The following CABIN1 variants were observed in gnomAD, a reference collection of about 807,000 sequenced individuals.
The protein encoded by CABIN1 is calcineurin-binding protein cabin-1.
CABIN1 carries 133 observed loss-of-function variants against 227.7 expected under a neutral mutation model. The observed-to-expected ratio is 0.58, with a 90% CI of 0.51 to 0.67. The LOEUF (loss-of-function observed/expected upper bound fraction) is 0.67, where lower values mean the gene tolerates loss of function less well. CABIN1 is among the 30% of genes least tolerant of loss of function. The pLI, the probability that CABIN1 is intolerant of heterozygous loss-of-function variation, is 0.00. For synonymous variants in CABIN1, 1,086 were observed against 1,155.1 expected (o/e 0.94, Z 1.21); for missense variants, 2,408 against 2,852.5 (o/e 0.84, Z 3.55).
chr22:24,105,575 C>T (rs1381318720), intron 26 of CABIN1, among the ~76,000 whole-genome samples: 1 of 152,150 alleles, frequency 6.6e-6, no homozygotes, highest in Non-Finnish European at 1.5e-5. Flanking sequence ...TCCTGAGTCT[C>T]AAGGCTAGAT....
intron 29 of CABIN1, among the ~76,000 whole-genome samples, chr22:24,144,575 G>A (rs2044989643): frequency 6.6e-6 from 1 of 152,260 alleles, no homozygotes; most frequent in Non-Finnish European, 1.5e-5. Context: ...GTGGTAGATG[G>A]GAAGATCATG....
At chr22:24,096,218 C>A in intron 25 of CABIN1, 136 bp downstream of exon 25, 1 of 991,208 alleles carries the variant, frequency 1.0e-6, no homozygotes. Context: ...CCCTAGGACC[C>A]ATCTGGAAAC....
rs954708790 is a variant in CABIN1, at chr22:24,022,533, A to T, written c.-75+11166A>T. Among the ~76,000 whole-genome samples, 4 of 152,132 alleles carry T rather than the reference A, an allele frequency of 2.6e-5. No individual in the cohort carries two copies. In the East Asian group the frequency reaches 7.7e-4, roughly 29 times the overall value. On this transcript the variant is annotated intron_variant, in intron 1 of 36. Coordinates refer to ENST00000263119, the MANE Select transcript of CABIN1 (RefSeq NM_012295.4). ...AATGAAGGATATTTGAGTTGTTTCC[A>T]GTTTTTGGTGATTTGAGTGGAGCTG...
At chr22:24,049,287 C>T in intron 7 of CABIN1, 67 bp downstream of exon 7, 8 of 1,578,342 alleles carry the variant, frequency 5.1e-6, no homozygotes, top group Non-Finnish European at 6.9e-6. Flanking sequence ...GTCAGGAGCA[C>T]ACCACATTCT....
At position 24,067,118 on chromosome 22, in the gene CABIN1, G is replaced by T. The variant is rs2039738658; in HGVS notation, c.2169G>T (p.Arg723=). Residue 723 remains arginine, a synonymous_variant, in exon 16 of 37, where the codon CGG becomes CGT. Transcript: ENST00000263119. ...CTTTGTGCACCAGTGGGTTTGACCG[G>T]GCCAAACACCTGGAGTTTATGACTT... ...RPTLCTSGFD[R]AKHLEFMTSI... is the part of the protein sequence containing the mutation. The T allele has an allele frequency of 1.9e-6, 3 of 1,614,200 alleles. No individual in the cohort carries two copies. The highest frequency in any genetic ancestry group is 2.5e-6 in the Non-Finnish European group (3 of 1,180,048).
intron 4 of CABIN1, among the ~76,000 whole-genome samples, chr22:24,039,841 T>C (rs757677125): frequency 5.9e-5 from 9 of 152,240 alleles, no homozygotes; most frequent in East Asian, 1.9e-4. Context: ...TACACTCATA[T>C]TGCATTGGCA....
At chr22:24,017,141 A>G (rs1412039096) in intron 1 of CABIN1, among the ~76,000 whole-genome samples, 5 of 151,036 alleles carry the variant, frequency 3.3e-5, no homozygotes, top group African/African-American at 1.2e-4. Context: ...GGTTCAAGCA[A>G]TTCTCCTGCC....
At chr22:24,084,419 GA>G (rs2041011698) in intron 20 of CABIN1, among the ~76,000 whole-genome samples, 159 bp from the exon 21 acceptor site, 1 of 151,294 alleles carries the variant, frequency 6.6e-6, no homozygotes, top group Non-Finnish European at 1.5e-5. Context: ...TTGTAGTGCA[GA>G]TTTTTTTTTT....
intron 29 of CABIN1, among the ~76,000 whole-genome samples, chr22:24,139,030 C>T (rs777070274): frequency 4.3e-4 from 66 of 152,134 alleles, no homozygotes; most frequent in Admixed American, 1.8e-3. Context: ...GTAACAAGGG[C>T]TATGGGAGTT....
Position 24,126,049 on chromosome 22 carries a change from G to A in CABIN1, c.4632+6351G>A, listed in dbSNP as rs370947527. On this transcript the variant is annotated intron_variant, in intron 28 of 36. Coordinates refer to ENST00000263119, the MANE Select transcript of CABIN1 (RefSeq NM_012295.4). The stretch of plus-strand genomic sequence containing the variant: ...TTACCAATAATATTGTTTAAGCTTG[G>A]AAAAGAGAATGAAACTACCCACAAC... Among the ~76,000 whole-genome samples, 9 of 152,276 alleles carry A rather than the reference G, an allele frequency of 5.9e-5. No homozygotes were observed. In the South Asian group the frequency reaches 6.2e-4, roughly 11 times the overall value.
Position 24,042,988 on chromosome 22 carries a change from C to G in CABIN1, c.430C>G (p.Arg144Gly). The G allele has an allele frequency of 6.2e-7, 1 of 1,613,858 alleles. No homozygotes were observed. The highest frequency in any genetic ancestry group is 1.6e-4 in the Middle Eastern group (1 of 6,062). The change falls in exon 6 of 37, where the codon CGC becomes GGC. Residue 144 changes from arginine (R) to glycine (G), a missense_variant. By Grantham distance (125) the Arg-to-Gly change is moderately radical (BLOSUM62 -2). Coordinates refer to ENST00000263119, the MANE Select transcript of CABIN1 (RefSeq NM_012295.4). ...ALRLIRIPLA[R>G]HAFEEGLRCN... ...GAGGCTCATCCGGATCCCCCTGGCTCGCCATGCTTTTGAGGAAGGGCTGCG... is the reference window on the plus strand; with the variant it reads ...GAGGCTCATCCGGATCCCCCTGGCTGGCCATGCTTTTGAGGAAGGGCTGCG...
intron 29 of CABIN1, among the ~76,000 whole-genome samples, chr22:24,136,725 TCACACACACA>T (rs765709835): frequency 2.8e-5 from 4 of 143,518 alleles, no homozygotes; most frequent in African/African-American, 1.1e-4. Flanking sequence ...AAACAATACA[TCACACACACA>T]CACGCACACA....
At chr22:24,158,344 T>C (rs2148588214) in intron 29 of CABIN1, among the ~76,000 whole-genome samples, 1 of 152,310 alleles carries the variant, frequency 6.6e-6, no homozygotes, top group East Asian at 1.9e-4. Context: ...GGGTGATCTA[T>C]CTTGAAGAGA....
intron 28 of CABIN1, among the ~76,000 whole-genome samples, chr22:24,121,922 C>A (rs549051982): frequency 2.0e-5 from 3 of 152,298 alleles, no homozygotes; most frequent in South Asian, 4.1e-4. Flanking sequence ...TACAGGGTAC[C>A]TTCTCAAGAG....
chr22:24,064,259 G>A (rs1601864621), intron 15 of CABIN1, 72 bp downstream of exon 15: 1 of 1,525,030 alleles, frequency 6.6e-7, no homozygotes, highest in Non-Finnish European at 9.1e-7. Flanking sequence ...AGGCTGGAGT[G>A]TAATAGTGCA....
chr22:24,024,890 T>C (rs1337946967), intron 1 of CABIN1, among the ~76,000 whole-genome samples: 2 of 152,196 alleles, frequency 1.3e-5, no homozygotes, highest in African/African-American at 4.8e-5. Flanking sequence ...ATCTTGTTCT[T>C]ACATTATTTT....
chr22:24,056,150 C>T (rs757245579), intron 9 of CABIN1, 42 bp from the exon 10 acceptor site: 16 of 1,580,438 alleles, frequency 1.0e-5, no homozygotes, highest in Middle Eastern at 1.7e-4. Flanking sequence ...TTTTTTTCAT[C>T]CCTGCCACCG....
At position 24,087,664 on chromosome 22, in the gene CABIN1, G is replaced by A. The variant is rs764501745; in HGVS notation, c.3476G>A (p.Arg1159His). 5.6e-6 allele frequency: 9 copies of A among 1,614,192 alleles called. No individual in the cohort carries two copies. Among genetic ancestry groups the A allele is most frequent in the Non-Finnish European group, 7.6e-6 (9 of 1,180,048 alleles). Residue 1159 changes from arginine to histidine, a missense_variant, in exon 23 of 37, where the codon CGT (arginine) becomes CAT (histidine). Around this residue, in one of 3 missense-constraint regions of CABIN1, gnomAD observed 649 missense variants for 910.3 expected, o/e 0.71. Coordinates refer to ENST00000263119, the MANE Select transcript of CABIN1 (RefSeq NM_012295.4). ...MSYALHSFAS[R>H]QLKQWRGELP... ...TATGCCTTGCACTCATTCGCCTCAC[G>A]TCAATTGAAGCAGTGGAGAGGCGAG...
intron 25 of CABIN1, among the ~76,000 whole-genome samples, chr22:24,096,338 C>T (rs1216180801): frequency 2.6e-5 from 4 of 152,140 alleles, no homozygotes; most frequent in Admixed American, 6.5e-5. Context: ...AAGGGGAAGT[C>T]CTGGGGAGAA....
Sources: allele counts gnomAD v4.1 joint callset (sites outside exome capture counted in the v4.1 genomes callset), GRCh38; gene constraint gnomAD v4.1.1; regional missense constraint gnomAD v4.1.1; transcripts MANE v1.5; gene names NCBI Gene and HGNC (gene_info 2026-07-23, HGNC 2026-07-21).